Variants in RPS6KA2 observed in about 807,000 individuals in gnomAD.
RPS6KA2 encodes the protein ribosomal protein S6 kinase alpha-2.
A neutral mutation model predicts 91.8 loss-of-function variants in RPS6KA2; 42 were observed. The ratio of observed to expected loss-of-function variants is 0.46; its 90% CI spans 0.36 to 0.59. The LOEUF (loss-of-function observed/expected upper bound fraction) is 0.59. Among genes scored for constraint, RPS6KA2 ranks in the 20% least tolerant of loss-of-function variants. RPS6KA2 has a pLI of 0.00. For missense variants in RPS6KA2, 798 were observed against 978.5 expected (o/e 0.82, Z 2.46); for synonymous variants, 414 against 393.6 (o/e 1.05, Z -0.61).
At chr6:166,779,399 C>T (rs1013317358) in intron 2 of RPS6KA2, among the ~76,000 whole-genome samples, 12 of 152,162 alleles carry the variant, frequency 7.9e-5, no homozygotes, top group Non-Finnish European at 1.8e-4. Flanking sequence ...TGTTGAAGCC[C>T]GGCCCGCACA....
chr6:166,536,613 C>T (rs1783487478), intron 2 of RPS6KA2, among the ~76,000 whole-genome samples: 1 of 152,118 alleles, frequency 6.6e-6, no homozygotes, highest in African/African-American at 2.4e-5. Context: ...CGCATTAATC[C>T]ACGAAGCGGA....
chr6:166,631,342 A>AG (rs963779213), upstream of RPS6KA2, among the ~76,000 whole-genome samples: 2 of 152,182 alleles, frequency 1.3e-5, no homozygotes, highest in African/African-American at 4.8e-5. Flanking sequence ...GCTTACATTT[A>AG]GGAAGAAAAA....
Position 166,851,859 on chromosome 6 carries a change from G to A in RPS6KA2, c.123+6341C>T, listed in dbSNP as rs531670974. Among the ~76,000 whole-genome samples the A allele has an allele frequency of 5.9e-5, 9 of 152,290 alleles. No individual in the cohort carries two copies. In the South Asian group the frequency reaches 1.9e-3, roughly 32 times the overall value. ...GTGAGAAAGGAATAACCAGAAGGAG[G>A]GATGTCTGCAGATGACAAGAGCCAG... is the stretch of plus-strand genomic sequence containing the variant. On this transcript the variant is annotated intron_variant, in intron 2 of 21. Transcript: ENST00000503859.
At position 166,498,646 on chromosome 6, in the gene RPS6KA2, G is replaced by A. The variant is rs369851246; in HGVS notation, c.609C>T (p.Phe203=). Residue 203 remains phenylalanine (F), a synonymous_variant, in exon 8 of 21, where the codon TTC becomes TTT. Transcript: ENST00000265678. The stretch of plus-strand genomic sequence containing the variant: ...GGTCAATGGCCTCCTTACTCAGGCC[G>A]AAATCTACATGCAAACACAGCACAC... ...DEEGHIKITD[F]GLSKEAIDHD... 35 of 1,613,554 alleles carry A rather than the reference G, an allele frequency of 2.2e-5. No individual in the cohort carries two copies. Among genetic ancestry groups the A allele is most frequent in the Middle Eastern group, 1.6e-4 (1 of 6,082 alleles).
At position 166,488,838 on chromosome 6, in the gene RPS6KA2, C is replaced by A. The variant is rs757007952; in HGVS notation, c.902G>T (p.Arg301Leu). ...GGTGTCCCGGGGAATCTTACCCAGC[C>A]GGTTGCAGGGGTTCCGTTTGAAGAG... The part of the protein sequence containing the change: ...RALFKRNPCN[R>L]LGAGIDGVEE... Residue 301 changes from arginine (R) to leucine (L), a missense_variant, in exon 10 of 21, where the codon CGG becomes CTG. By Grantham distance (102) the Arg-to-Leu change is moderately radical. Coordinates refer to ENST00000265678, the MANE Select transcript of RPS6KA2 (RefSeq NM_021135.6). 6.2e-7 allele frequency: 1 copy of A among 1,612,284 alleles called. No individual in the cohort carries two copies. Among genetic ancestry groups the A allele is most frequent in the Non-Finnish European group, 8.5e-7 (1 of 1,179,268 alleles).
intron 2 of RPS6KA2, among the ~76,000 whole-genome samples, chr6:166,660,885 C>A (rs573063137): frequency 6.6e-6 from 1 of 152,128 alleles, no homozygotes; most frequent in Admixed American, 6.6e-5. Context: ...GAACGTAAAT[C>A]GTGAGTTAAT....
intron 2 of RPS6KA2, among the ~76,000 whole-genome samples, chr6:166,753,320 C>T (rs899494589): frequency 6.6e-6 from 1 of 152,218 alleles, no homozygotes; most frequent in East Asian, 1.9e-4. Context: ...TTTCTCTGTC[C>T]ATTCTTCACT....
At chr6:166,836,850 C>T (rs992584766) in intron 2 of RPS6KA2, among the ~76,000 whole-genome samples, 4 of 152,166 alleles carry the variant, frequency 2.6e-5, no homozygotes, top group Non-Finnish European at 5.9e-5. Context: ...ACACCTGCAC[C>T]CAAGCTGGCC....
rs1196949961 is a variant in RPS6KA2 at position 166,508,712 on chromosome 6, G to A, written c.380-430C>T. 6.6e-6 allele frequency among the ~76,000 whole-genome samples: 1 copy of A among 152,214 alleles called. No individual in the cohort carries two copies. The highest frequency in any genetic ancestry group is 1.5e-5 in the Non-Finnish European group (1 of 68,046). Reference sequence around the variant, plus strand: ...CCTATGGAAGTGCCTTCTTCTTACAGAACTCCACTCTGGTACCAGGGAGCC... The same window carrying A: ...CCTATGGAAGTGCCTTCTTCTTACAAAACTCCACTCTGGTACCAGGGAGCC... On this transcript the variant is annotated intron_variant, in intron 4 of 20. Coordinates refer to ENST00000265678, the MANE Select transcript of RPS6KA2 (RefSeq NM_021135.6). The surrounding 1 kb of genome is among the most constrained non-coding windows in gnomAD (Gnocchi z 4.3).
chr6:166,456,596 AGCCTAACT>A (rs1186702221), intron 12 of RPS6KA2, among the ~76,000 whole-genome samples: 1 of 152,240 alleles, frequency 6.6e-6, no homozygotes, highest in Non-Finnish European at 1.5e-5. Flanking sequence ...AAAGACTGAA[AGCCTAACT>A]GTAAGAAATT....
At chr6:166,772,411 G>A (rs563562300) in intron 2 of RPS6KA2, among the ~76,000 whole-genome samples, 12 of 152,234 alleles carry the variant, frequency 7.9e-5, no homozygotes, top group African/African-American at 1.7e-4. Flanking sequence ...CGAGCAAGGA[G>A]GAAGAGAAAT....
At chr6:166,710,264 G>A (rs918218737) in intron 2 of RPS6KA2, among the ~76,000 whole-genome samples, 2 of 152,158 alleles carry the variant, frequency 1.3e-5, no homozygotes, top group African/African-American at 4.8e-5. Flanking sequence ...AGTAACACTT[G>A]AGTCATAATC....
At chr6:166,795,599 A>T (rs1306907413) in intron 2 of RPS6KA2, among the ~76,000 whole-genome samples, 1 of 152,212 alleles carries the variant, frequency 6.6e-6, no homozygotes, top group Non-Finnish European at 1.5e-5. Flanking sequence ...GCAGGTAATC[A>T]TCGTGGTTGG....
intron 2 of RPS6KA2, among the ~76,000 whole-genome samples, chr6:166,791,521 G>C (rs954645794): frequency 2.0e-5 from 3 of 152,178 alleles, no homozygotes; most frequent in Non-Finnish European, 4.4e-5. Flanking sequence ...GGACCTAATA[G>C]ACATCTACAG....
intron 1 of RPS6KA2, among the ~76,000 whole-genome samples, chr6:166,600,788 C>T (rs2128526165): frequency 6.6e-6 from 1 of 152,252 alleles, no homozygotes; most frequent in East Asian, 1.9e-4. Context: ...AAGCTCATTG[C>T]ACAAAGTGAA....
rs9459688 is a variant in RPS6KA2, at chr6:166,536,866, T to G, written c.216+1802A>C. ...GATAAAATTAGAAGTGGTGAAAGGC[T>G]GGGAAGGAAAGGGACAGAGTGTTAT... On this transcript the variant is annotated intron_variant, in intron 2 of 20. Transcript: ENST00000265678. Among the ~76,000 whole-genome samples the G allele has an allele frequency of 3.1e-3, 473 of 152,356 alleles. 3 individuals are homozygous for G. Among genetic ancestry groups the G allele is most frequent in the African/African-American group, 9.7e-3 (403 of 41,588 alleles).
At chr6:166,481,171 AAGAT>A (rs1781201263) in intron 10 of RPS6KA2, among the ~76,000 whole-genome samples, 1 of 152,256 alleles carries the variant, frequency 6.6e-6, no homozygotes, top group Non-Finnish European at 1.5e-5. Flanking sequence ...TGTGAATTAA[AAGAT>A]AGTTCATTTT....
intron 3 of RPS6KA2, among the ~76,000 whole-genome samples, chr6:166,524,378 C>T (rs555042562): frequency 2.6e-5 from 4 of 152,262 alleles, no homozygotes; most frequent in Admixed American, 6.5e-5. Flanking sequence ...CTGCGGAGAG[C>T]GCCTACCGAG....
intron 12 of RPS6KA2, among the ~76,000 whole-genome samples, chr6:166,455,813 C>T (rs1027459659): frequency 1.3e-5 from 2 of 152,174 alleles, no homozygotes; most frequent in Admixed American, 1.3e-4. Context: ...TACCACGGGC[C>T]GCAGATTCTC....
Sources: allele counts gnomAD v4.1 joint callset (sites outside exome capture counted in the v4.1 genomes callset), GRCh38; gene constraint gnomAD v4.1.1; non-coding constraint Gnocchi (gnomAD v3.1); transcripts MANE v1.5; gene names NCBI Gene and HGNC (gene_info 2026-07-23, HGNC 2026-07-21).